The following HSD17B4 variants were observed in gnomAD, a reference collection of about 807,000 sequenced individuals.
HSD17B4 encodes the protein peroxisomal multifunctional enzyme type 2.
In HSD17B4, 70 loss-of-function variants were observed where a neutral mutation model predicts 101.0. The ratio of observed to expected loss-of-function variants is 0.69; its 90% CI spans 0.57 to 0.85. The LOEUF is 0.85. Ranked by LOEUF, HSD17B4 falls within the 40% of genes least tolerant of loss-of-function variation. The probability of loss-of-function intolerance (pLI) is 0.00; values close to 1 mark genes in which losing one functional copy is unlikely to be tolerated. For missense variants in HSD17B4, 984 were observed against 892.4 expected (o/e 1.10, Z -1.31); for synonymous variants, 347 against 297.1 (o/e 1.17, Z -1.73).
intron 2 of HSD17B4, among the ~76,000 whole-genome samples, chr5:119,464,950 C>T (rs1168523095): frequency 1.3e-5 from 2 of 151,488 alleles, no homozygotes; most frequent in African/African-American, 4.8e-5. Flanking sequence ...ATACTTTCAG[C>T]TTTGTTCTTT....
chr5:119,535,414 C>A (rs914347611), intron 22 of HSD17B4, among the ~76,000 whole-genome samples: 1 of 151,828 alleles, frequency 6.6e-6, no homozygotes, highest in Non-Finnish European at 1.5e-5. Flanking sequence ...GTTCTTAGGT[C>A]TCTAGTCTGC....
At chr5:119,534,033 CTT>C (rs952945457) in intron 22 of HSD17B4, among the ~76,000 whole-genome samples, 3 of 151,950 alleles carry the variant, frequency 2.0e-5, no homozygotes, top group Non-Finnish European at 4.4e-5. Flanking sequence ...ATTACTGAAA[CTT>C]TTTATAAAGA....
intron 8 of HSD17B4, among the ~76,000 whole-genome samples, chr5:119,481,464 A>G (rs1347071834): frequency 2.0e-5 from 3 of 152,170 alleles, no homozygotes; most frequent in Non-Finnish European, 4.4e-5. Context: ...ATACAGGCAT[A>G]TCTTGGAGAT....
At chr5:119,486,194 G>A (rs1749595666) in intron 8 of HSD17B4, among the ~76,000 whole-genome samples, 1 of 152,180 alleles carries the variant, frequency 6.6e-6, no homozygotes, top group African/African-American at 2.4e-5. Flanking sequence ...AGAAGCTGCA[G>A]TGTCTTTTAT....
At position 119,485,264 on chromosome 5, in the gene HSD17B4, C is replaced by T. The variant is rs544836456; in HGVS notation, c.623-3928C>T. 6.4e-4 allele frequency among the ~76,000 whole-genome samples: 97 copies of T among 152,210 alleles called. 2 individuals are homozygous for T. In the South Asian group the frequency reaches 0.019, roughly 30 times the overall value. ...TACGTTTTCAAGAAAGTACTTAAAA[C>T]TTCAGATTTTAAATTTGTTTTTCTT... is the stretch of plus-strand genomic sequence containing the variant. On this transcript the variant is annotated intron_variant, in intron 8 of 23. Coordinates refer to ENST00000510025, the MANE Select transcript of HSD17B4 (RefSeq NM_000414.4).
At position 119,542,027 on chromosome 5, in the gene HSD17B4, C is replaced by G; in HGVS notation, c.*33C>G. The G allele has an allele frequency of 7.3e-7, 1 of 1,361,086 alleles. No homozygotes were observed. The highest frequency in any genetic ancestry group is 1.1e-6 in the Non-Finnish European group (1 of 951,122). The allele number at this position is 1,361,086 out of a possible 1,614,324, so 84.3% of individuals were successfully genotyped here. On this transcript the variant is annotated 3_prime_UTR_variant, in exon 24 of 24. Transcript: ENST00000510025. Reference sequence around the variant, plus strand: ...ACTACACTATTAATAAAAATGGAATCATTAAATACTCTCTTCACCCAAATA... The same window carrying G: ...ACTACACTATTAATAAAAATGGAATGATTAAATACTCTCTTCACCCAAATA...
Position 119,452,505 on chromosome 5 carries a change from C to T in HSD17B4, c.-71C>T. The T allele has an allele frequency of 6.2e-7, 1 of 1,612,156 alleles. No individual in the cohort carries two copies. The highest frequency in any genetic ancestry group is 1.1e-5 in the South Asian group (1 of 91,000). ...CTCGTCCCGCCCCCGCCATTCCCCG[C>T]CTCCTCCTGTCCCGCAGTCGGCGTC... On this transcript the variant is annotated 5_prime_UTR_variant, in exon 1 of 24. Transcript: ENST00000510025.
At chr5:119,522,397 C>G (rs1047719519) in intron 17 of HSD17B4, among the ~76,000 whole-genome samples, 4 of 152,226 alleles carry the variant, frequency 2.6e-5, no homozygotes, top group East Asian at 1.9e-4. Context: ...AATAAACATA[C>G]GTGTGCATGT....
chr5:119,458,050 G>GA (rs1375640518), intron 2 of HSD17B4, among the ~76,000 whole-genome samples: 1 of 152,024 alleles, frequency 6.6e-6, no homozygotes, highest in African/African-American at 2.4e-5. Context: ...TGAATTCTAA[G>GA]AAAAAATTAA....
At chr5:119,484,490 C>G (rs1001147699) in intron 8 of HSD17B4, among the ~76,000 whole-genome samples, 1 of 152,072 alleles carries the variant, frequency 6.6e-6, no homozygotes, top group African/African-American at 2.4e-5. Flanking sequence ...TAATTGAGAG[C>G]CTACCTTTAT....
intron 13 of HSD17B4, among the ~76,000 whole-genome samples, chr5:119,501,191 G>C (rs541134132): frequency 6.6e-6 from 1 of 152,004 alleles, no homozygotes; most frequent in Non-Finnish European, 1.5e-5. Context: ...AATCGTAAAT[G>C]GTGTTCATGC....
intron 1 of HSD17B4, among the ~76,000 whole-genome samples, chr5:119,453,724 G>A (rs572898160): frequency 6.6e-6 from 1 of 152,210 alleles, no homozygotes; most frequent in Admixed American, 6.5e-5. Flanking sequence ...CAGTGTTGAT[G>A]AATAGCCAAG....
In HSD17B4 at chr5:119,506,985, A is replaced by G. The variant is rs189177476; in HGVS notation, c.1333+96A>G. 7.5e-4 allele frequency: 483 copies of G among 645,280 alleles called. 2 individuals carry two copies. Among genetic ancestry groups the G allele is most frequent in the African/African-American group, 7.2e-3 (385 of 53,616 alleles). 40.0% of individuals were successfully genotyped at this position (645,280 alleles called of 1,614,324 possible). ...CATAGAAGTTGATTAATAAGTTAGT[A>G]TTTGTCTTCCAATTTGTTAGAAAAC... On this transcript the variant is annotated intron_variant, in intron 15 of 23. Transcript: ENST00000510025.
Position 119,477,475 on chromosome 5 carries a change from A to G in HSD17B4, c.408A>G (p.Glu136=). 1 of 1,612,908 alleles carries G rather than the reference A, an allele frequency of 6.2e-7. No individual in the cohort carries two copies. The highest frequency in any genetic ancestry group is 8.5e-7 in the Non-Finnish European group (1 of 1,178,988). Residue 136 remains glutamate, a synonymous_variant, in exon 7 of 24, where the codon GAA becomes GAG. Transcript: ENST00000510025. Reference sequence around the variant, plus strand: ...TCCAAGTGACACGGGCAGCATGGGAACACATGAAGAAACAGAAGTATGGAA... The same window carrying G: ...TCCAAGTGACACGGGCAGCATGGGAGCACATGAAGAAACAGAAGTATGGAA... The part of the protein sequence containing the change: ...GSFQVTRAAW[E]HMKKQKYGRI...
intron 1 of HSD17B4, among the ~76,000 whole-genome samples, chr5:119,453,991 A>T (rs1165980231): frequency 6.6e-6 from 1 of 152,196 alleles, no homozygotes; most frequent in African/African-American, 2.4e-5. Context: ...TATATCTGAA[A>T]ATCATTCAAG....
At chr5:119,511,292 A>G (rs1218598161) in intron 16 of HSD17B4, among the ~76,000 whole-genome samples, 1 of 152,184 alleles carries the variant, frequency 6.6e-6, no homozygotes, top group Non-Finnish European at 1.5e-5. Flanking sequence ...GACTGTAGTG[A>G]TAAGCAATTA....
chr5:119,517,785 G>C (rs965059890), intron 17 of HSD17B4, among the ~76,000 whole-genome samples: 1 of 151,832 alleles, frequency 6.6e-6, no homozygotes, highest in Non-Finnish European at 1.5e-5. Flanking sequence ...TGCACCAATC[G>C]GCACTCTGTA....
chr5:119,462,248 ATTTTTTTTT>A (rs10524491), intron 2 of HSD17B4, among the ~76,000 whole-genome samples: 9 of 30,036 alleles, frequency 3.0e-4, no homozygotes, highest in African/African-American at 6.8e-4. Flanking sequence ...AACAAATGTG[ATTTTTTTTT>A]TTTTTTTTTT....
chr5:119,491,953 G>T, intron 9 of HSD17B4, 147 bp from the exon 10 acceptor site: 1 of 743,538 alleles, frequency 1.3e-6, no homozygotes, highest in East Asian at 2.5e-5. Context: ...GGGGGCCAGT[G>T]GACTCTTACA....
Sources: gnomAD v4.1 joint callset for allele counts (sites outside exome capture counted in the v4.1 genomes callset) on GRCh38, gnomAD v4.1.1 for gene constraint, MANE v1.5 for transcripts, NCBI Gene and HGNC (gene_info 2026-07-23, HGNC 2026-07-21) for gene names.